Variants in MGAT4C observed in about 807,000 individuals in gnomAD.
The protein encoded by MGAT4C is MGAT4 family member C.
A neutral mutation model predicts 40.1 loss-of-function variants in MGAT4C; 19 were observed. That is an observed-to-expected ratio of 0.47 (90% CI 0.33 to 0.70). MGAT4C has a LOEUF of 0.70. MGAT4C is among the 30% of genes least tolerant of loss of function. MGAT4C has a pLI of 0.02. For synonymous variants in MGAT4C, 181 were observed against 187.1 expected (o/e 0.97, Z 0.27); for missense variants, 491 against 563.2 (o/e 0.87, Z 1.30).
rs117055691 is a variant in MGAT4C at position 86,782,642 on chromosome 12, A to G, written c.-261-55401T>C. 2.7e-3 allele frequency among the ~76,000 whole-genome samples: 410 copies of G among 152,246 alleles called. 3 individuals are homozygous for G. The highest frequency in any genetic ancestry group is 4.4e-3 in the Non-Finnish European group (299 of 68,008). ...CCTCAAAGTTTATTTGTTATGGCCT[A>G]ACTCCCAATGTGACTGTTTTCAGAC... On this transcript the variant is annotated intron_variant, in intron 1 of 7. Transcript: ENST00000548651.
intron 3 of MGAT4C, among the ~76,000 whole-genome samples, chr12:86,356,236 C>A (rs749766907): frequency 1.1e-4 from 17 of 152,120 alleles, no homozygotes; most frequent in Non-Finnish European, 1.9e-4. Flanking sequence ...AAACTGACAA[C>A]ACTACCAACG....
chr12:86,687,357 G>A (rs565403515), intron 2 of MGAT4C, among the ~76,000 whole-genome samples: 15 of 152,050 alleles, frequency 9.9e-5, no homozygotes, highest in African/African-American at 2.4e-4. Flanking sequence ...TGTGATCTTC[G>A]TTATTTCTTG....
At chr12:86,059,897 T>C (rs893398747) in intron 1 of MGAT4C, among the ~76,000 whole-genome samples, 1 of 151,982 alleles carries the variant, frequency 6.6e-6, no homozygotes, top group Non-Finnish European at 1.5e-5. Flanking sequence ...GTCAGCACAC[T>C]GAAACTAACC....
At chr12:86,102,442 T>C (rs994990152) in intron 1 of MGAT4C, among the ~76,000 whole-genome samples, 2 of 152,020 alleles carry the variant, frequency 1.3e-5, no homozygotes, top group African/African-American at 4.8e-5. Context: ...AGAAAGTGTA[T>C]TTACCTTTAT....
chr12:86,043,119 C>T (rs1256271088), intron 2 of MGAT4C, among the ~76,000 whole-genome samples: 1 of 151,998 alleles, frequency 6.6e-6, no homozygotes, highest in African/African-American at 2.4e-5. Context: ...AATATTGTGT[C>T]CTCTCTAGTG....
chr12:86,319,387 C>G (rs999595855), intron 4 of MGAT4C, among the ~76,000 whole-genome samples: 3 of 152,082 alleles, frequency 2.0e-5, no homozygotes, highest in African/African-American at 7.2e-5. Context: ...TCATGTCACC[C>G]CAGCAACCCA....
chr12:86,507,073 T>G (rs1958484123), intron 2 of MGAT4C, among the ~76,000 whole-genome samples: 1 of 152,264 alleles, frequency 6.6e-6, no homozygotes, highest in East Asian at 1.9e-4. Context: ...CAATGTCTGT[T>G]AGAAGTACTA....
chr12:86,298,058 C>T (rs1254532677), intron 4 of MGAT4C, among the ~76,000 whole-genome samples: 4 of 151,752 alleles, frequency 2.6e-5, no homozygotes, highest in South Asian at 2.1e-4. Context: ...TAGTAGAAGA[C>T]GGTGAACAGA....
At chr12:86,531,283 T>G (rs750563943) in intron 2 of MGAT4C, among the ~76,000 whole-genome samples, 27 of 152,090 alleles carry the variant, frequency 1.8e-4, no homozygotes, top group Non-Finnish European at 3.8e-4. Context: ...CCAAATTAGA[T>G]TATTCAAATG....
At chr12:86,382,280 G>C (rs1383016686) in intron 3 of MGAT4C, among the ~76,000 whole-genome samples, 1 of 152,204 alleles carries the variant, frequency 6.6e-6, no homozygotes, top group African/African-American at 2.4e-5. Context: ...TTTTAGCAAA[G>C]AGACTGGTGG....
chr12:86,502,728 T>C (rs1424522518), intron 2 of MGAT4C, among the ~76,000 whole-genome samples: 1 of 141,282 alleles, frequency 7.1e-6, no homozygotes, highest in Non-Finnish European at 1.5e-5. Flanking sequence ...TATACACGAG[T>C]TCTGCTCATA....
chr12:86,807,987 ATTTGT>A (rs1166995858), intron 1 of MGAT4C, among the ~76,000 whole-genome samples: 1 of 151,848 alleles, frequency 6.6e-6, no homozygotes, highest in Non-Finnish European at 1.5e-5. Context: ...TTTCTTATAA[ATTTGT>A]TTAACTTCCT....
chr12:86,761,051 T>C (rs926151940), intron 1 of MGAT4C, among the ~76,000 whole-genome samples: 2 of 152,206 alleles, frequency 1.3e-5, no homozygotes, highest in Non-Finnish European at 2.9e-5. Context: ...AAAACATATA[T>C]TGTACATTTG....
intron 2 of MGAT4C, among the ~76,000 whole-genome samples, chr12:86,526,779 T>C (rs1958891094): frequency 6.6e-6 from 1 of 152,160 alleles, no homozygotes; most frequent in African/African-American, 2.4e-5. Flanking sequence ...CACCAAACCG[T>C]TTGGGTTCCA....
At chr12:86,672,843 T>C (rs1191903995) in intron 2 of MGAT4C, among the ~76,000 whole-genome samples, 2 of 152,150 alleles carry the variant, frequency 1.3e-5, no homozygotes, top group Admixed American at 6.6e-5. Flanking sequence ...TACCGCAGAC[T>C]TCAGCATCAT....
intron 1 of MGAT4C, among the ~76,000 whole-genome samples, chr12:86,196,781 A>T (rs1949826003): frequency 6.6e-6 from 1 of 152,136 alleles, no homozygotes; most frequent in Non-Finnish European, 1.5e-5. Flanking sequence ...TTAAGGAGCA[A>T]ATTTCCAGCC....
intron 1 of MGAT4C, among the ~76,000 whole-genome samples, chr12:86,165,899 G>A (rs1288121828): frequency 6.6e-6 from 1 of 152,136 alleles, no homozygotes; most frequent in Non-Finnish European, 1.5e-5. Context: ...GGACATAGTA[G>A]AGCTGATCCT....
upstream of MGAT4C, among the ~76,000 whole-genome samples, chr12:86,259,437 A>G (rs1287667086): frequency 6.6e-6 from 1 of 151,926 alleles, no homozygotes; most frequent in African/African-American, 2.4e-5. Context: ...TACAAAATGT[A>G]AAAAAAATTC....
intron 1 of MGAT4C, among the ~76,000 whole-genome samples, chr12:86,172,307 C>A (rs532631384): frequency 6.6e-6 from 1 of 152,218 alleles, no homozygotes; most frequent in African/African-American, 2.4e-5. Context: ...ATTTCTTCAT[C>A]TACATAATTG....
Sources: gnomAD v4.1 joint callset for allele counts (sites outside exome capture counted in the v4.1 genomes callset) on GRCh38, gnomAD v4.1.1 for gene constraint, MANE v1.5 for transcripts, NCBI Gene and HGNC (gene_info 2026-07-23, HGNC 2026-07-21) for gene names.